Variants in PRRC2B observed in about 807,000 individuals in gnomAD.
PRRC2B encodes proline rich coiled-coil 2B, also known as protein PRRC2B.
Under a neutral mutation model 242.3 loss-of-function variants are expected in PRRC2B, and 68 were observed. The ratio of observed to expected loss-of-function variants is 0.28; its 90% CI spans 0.23 to 0.34. The LOEUF (loss-of-function observed/expected upper bound fraction) is 0.34, where lower values mean the gene tolerates loss of function less well. Ranked by LOEUF, PRRC2B falls within the 10% of genes least tolerant of loss-of-function variation. The pLI, the probability that PRRC2B is intolerant of heterozygous loss-of-function variation, is 1.00. For synonymous variants in PRRC2B, 1,228 were observed against 1,173.6 expected, an observed-to-expected ratio of 1.05 and a Z score of -0.95; for missense variants, 2,835 against 2,954.8, an observed-to-expected ratio of 0.96 and a Z score of 0.94.
intron 2 of PRRC2B, among the ~76,000 whole-genome samples, chr9:131,430,561 A>ATGTGTGTGTGTGTGTGTG (rs200517031): frequency 2.2e-4 from 26 of 118,804 alleles, no homozygotes; most frequent in East Asian, 5.2e-4. Context: ...GTGTGTGTGT[A>ATGTGTGTGTGTGTGTGTG]TGTGTGTGTG....
chr9:131,454,334 C>CA (rs1421698228), intron 9 of PRRC2B, among the ~76,000 whole-genome samples: 1 of 152,208 alleles, frequency 6.6e-6, no homozygotes, highest in African/African-American at 2.4e-5. Context: ...AGTGGTAACT[C>CA]ACAAATCTCA....
intron 1 of PRRC2B, among the ~76,000 whole-genome samples, chr9:131,425,540 G>A (rs530088644): frequency 6.2e-4 from 95 of 152,076 alleles, no homozygotes; most frequent in African/African-American, 2.1e-3. Context: ...CCAGGCTGGC[G>A]TGCAGTGGCG....
At chr9:131,420,496 T>TCTTTCTTTTCTTTCTTTCTTTTCTTTC (rs59621148) in intron 1 of PRRC2B, among the ~76,000 whole-genome samples, 2 of 75,898 alleles carry the variant, frequency 2.6e-5, no homozygotes, top group African/African-American at 1.1e-4. Context: ...TTTCTTTCTT[T>TCTTTCTTTTCTTTCTTTCTTTTCTTTC]TTTTTTTTTT....
chr9:131,393,303 AT>A (rs933378474), upstream of PRRC2B, among the ~76,000 whole-genome samples: 3 of 149,260 alleles, frequency 2.0e-5, no homozygotes, highest in South Asian at 4.2e-4. Flanking sequence ...AGGCCCTAAC[AT>A]TTTTTTTTTG....
intron 30 of PRRC2B, among the ~76,000 whole-genome samples, chr9:131,492,921 C>T (rs1195615399): frequency 6.6e-6 from 1 of 152,200 alleles, no homozygotes; most frequent in Non-Finnish European, 1.5e-5. Flanking sequence ...TTGTACAGTC[C>T]ACCCTTGTTA....
rs1387063497 is a variant in PRRC2B at position 131,475,112 on chromosome 9, C to T, written c.2983C>T (p.Leu995=). 1 of 1,611,846 alleles carries T rather than the reference C, an allele frequency of 6.2e-7. No individual in the cohort carries two copies. The highest frequency in any genetic ancestry group is 1.7e-5 in the Admixed American group (1 of 59,688). The change falls in exon 16 of 32, where the codon CTG becomes TTG. Residue 995 remains leucine, a synonymous_variant. Transcript: ENST00000683519. ...KDEDEENDAS[L]ANSSTTTLED... ...TGAGGACGAAGAGAACGATGCCTCT[C>T]TGGCCAACTCCTCCACCACCACTTT...
At chr9:131,382,607 C>G (rs1431492943) in intron 1 of PRRC2B, among the ~76,000 whole-genome samples, 1 of 151,832 alleles carries the variant, frequency 6.6e-6, no homozygotes, top group Non-Finnish European at 1.5e-5. Flanking sequence ...TTCGTTCGGA[C>G]CCAGTGTTGT....
At chr9:131,465,690 C>T (rs1943376668) in intron 12 of PRRC2B, among the ~76,000 whole-genome samples, 1 of 152,176 alleles carries the variant, frequency 6.6e-6, no homozygotes, top group Admixed American at 6.5e-5. Context: ...TGGTAGAATA[C>T]ATTTTTTCCT....
chr9:131,490,461 G>A (rs1944156723), intron 28 of PRRC2B: 2 of 518,968 alleles, frequency 3.9e-6, no homozygotes, highest in African/African-American at 1.9e-5. Context: ...GGAGCATGGT[G>A]TTTTGCGGCT....
chr9:131,396,637 A>G (rs1376533214), intron 1 of PRRC2B, among the ~76,000 whole-genome samples: 1 of 151,958 alleles, frequency 6.6e-6, no homozygotes, highest in African/African-American at 2.4e-5. Context: ...TCTTTCTCTT[A>G]ATGCTTATTT....
intron 15 of PRRC2B, 80 bp from the exon 16 acceptor site, chr9:131,474,374 A>T: frequency 2.5e-6 from 3 of 1,208,238 alleles, no homozygotes; most frequent in East Asian, 2.4e-5. Flanking sequence ...TTTTCTTTTT[A>T]AAACTAAGCT....
chr9:131,487,795 G>A lies in PRRC2B; in HGVS notation c.5985-61G>A, dbSNP rs1944069056. Reference sequence around the variant, plus strand: ...AGCTCTCCGGGGATCTCTGAAGGGTGGGACCAGATCCGCAGCTGGACTCAT... The same window carrying A: ...AGCTCTCCGGGGATCTCTGAAGGGTAGGACCAGATCCGCAGCTGGACTCAT... On this transcript the variant is annotated intron_variant, in intron 27 of 31. Coordinates refer to ENST00000683519, the MANE Select transcript of PRRC2B (RefSeq NM_013318.4). The surrounding 1 kb of genome is among the most constrained non-coding windows in gnomAD (Gnocchi z 5.3). 2 of 1,560,888 alleles carry A rather than the reference G, an allele frequency of 1.3e-6. No homozygotes were observed. Among genetic ancestry groups the A allele is most frequent in the East Asian group, 4.5e-5 (2 of 44,090 alleles).
intron 3 of PRRC2B, among the ~76,000 whole-genome samples, chr9:131,435,697 A>T (rs1838340165): frequency 6.6e-6 from 1 of 152,060 alleles, no homozygotes; most frequent in Non-Finnish European, 1.5e-5. Context: ...CATATGAGAG[A>T]CTGGTTAAAT....
At chr9:131,421,910 A>C (rs1315971658) in intron 1 of PRRC2B, among the ~76,000 whole-genome samples, 3 of 152,202 alleles carry the variant, frequency 2.0e-5, no homozygotes, top group Non-Finnish European at 4.4e-5. Flanking sequence ...CGGTACTCCC[A>C]CTGGGAAAGC....
chr9:131,412,024 C>G (rs191288119), intron 1 of PRRC2B, among the ~76,000 whole-genome samples: 1 of 151,036 alleles, frequency 6.6e-6, no homozygotes, highest in Non-Finnish European at 1.5e-5. Context: ...CCAGACTGAT[C>G]TCAAATTCCT....
Position 131,476,345 on chromosome 9 carries a change from T to C in PRRC2B, c.4216T>C (p.Ser1406Pro). The C allele has an allele frequency of 6.3e-7, 1 of 1,588,032 alleles. No individual in the cohort carries two copies. The highest frequency in any genetic ancestry group is 8.6e-7 in the Non-Finnish European group (1 of 1,167,392). Reference sequence around the variant, plus strand: ...CGACTCCCAGGTGGATGGTGGCCTGTCGGGGGCTAGTTTGGGTGAGAAGAA... The same window carrying C: ...CGACTCCCAGGTGGATGGTGGCCTGCCGGGGGCTAGTTTGGGTGAGAAGAA... The part of the protein sequence containing the change: ...EPDSQVDGGL[S>P]GASLGEKKEL... Residue 1406 changes from serine to proline, a missense_variant, in exon 16 of 32, where the codon TCG (serine) becomes CCG (proline). Ser to Pro is a moderately conservative substitution (Grantham distance 74, BLOSUM62 -1). Around this residue, in one of 7 missense-constraint regions of PRRC2B, gnomAD observed 1,536 missense variants for 1,483.1 expected, o/e 1.04. Coordinates refer to ENST00000683519, the MANE Select transcript of PRRC2B (RefSeq NM_013318.4).
At position 131,443,112 on chromosome 9, in the gene PRRC2B, ATTTAT is replaced by A. The variant is rs1554761455; in HGVS notation, c.470-1051_470-1047del. On this transcript the variant is annotated intron_variant, in intron 5 of 31. Coordinates refer to ENST00000683519, the MANE Select transcript of PRRC2B (RefSeq NM_013318.4). ...AAGCAGCATTTGTTTATTTTATTTT[ATTTAT>A]TTTATTTTATTTTATTTTATTATTT... 3.6e-3 allele frequency among the ~76,000 whole-genome samples: 536 copies of A among 147,168 alleles called. 4 individuals carry two copies. The highest frequency in any genetic ancestry group is 0.013 in the African/African-American group (515 of 40,296).
At chr9:131,420,499 T>TCTTTCTTTCCTTC (rs889470295) in intron 1 of PRRC2B, among the ~76,000 whole-genome samples, 1 of 84,494 alleles carries the variant, frequency 1.2e-5, no homozygotes, top group African/African-American at 4.4e-5. Context: ...CTTTCTTTTT[T>TCTTTCTTTCCTTC]TTTTTTTTTT....
chr9:131,488,229 A>T, intron 28 of PRRC2B, 133 bp downstream of exon 28: 1 of 1,262,224 alleles, frequency 7.9e-7, no homozygotes, highest in Non-Finnish European at 1.1e-6. Flanking sequence ...CCCATTCCTC[A>T]GCGTGCAGGA....
Sources: gnomAD v4.1 joint callset for allele counts (sites outside exome capture counted in the v4.1 genomes callset) on GRCh38, gnomAD v4.1.1 for gene constraint, gnomAD v4.1.1 regional missense constraint, Gnocchi (gnomAD v3.1) non-coding constraint, MANE v1.5 for transcripts, NCBI Gene and HGNC (gene_info 2026-07-23, HGNC 2026-07-21) for gene names.